POMGNT2: variants seen among roughly 807,000 people sequenced by gnomAD.
POMGNT2 encodes protein O-linked-mannose beta-1,4-N-acetylglucosaminyltransferase 2.
Under a neutral mutation model 37.8 loss-of-function variants are expected in POMGNT2, and 32 were observed. The observed-to-expected ratio is 0.85, with a 90% CI of 0.64 to 1.14. The LOEUF (loss-of-function observed/expected upper bound fraction) is 1.14, where lower values mean the gene tolerates loss of function less well. POMGNT2 is among the 50% of genes most tolerant of loss of function. The pLI is 0.00. For missense variants in POMGNT2, 705 were observed against 780.6 expected (o/e 0.90, Z 1.15); for synonymous variants, 340 against 336.8 (o/e 1.01, Z -0.10).
intron 1 of POMGNT2, among the ~76,000 whole-genome samples, chr3:43,096,400 CTCAT>C (rs1158844042): frequency 6.6e-6 from 1 of 152,182 alleles, no homozygotes; most frequent in Non-Finnish European, 1.5e-5. Context: ...GGTATATTTT[CTCAT>C]TCAATCTTCA....
chr3:43,086,313 T>C (rs755609541), intron 1 of POMGNT2, among the ~76,000 whole-genome samples: 2 of 152,200 alleles, frequency 1.3e-5, no homozygotes, highest in South Asian at 4.1e-4. Flanking sequence ...CATCACTCAG[T>C]TGCTTTCTGA....
intron 1 of POMGNT2, among the ~76,000 whole-genome samples, chr3:43,084,086 C>A (rs900595246): frequency 6.6e-6 from 1 of 152,170 alleles, no homozygotes; most frequent in Non-Finnish European, 1.5e-5. Flanking sequence ...TGAGGAACTG[C>A]TACCCTTCGA....
intron 1 of POMGNT2, among the ~76,000 whole-genome samples, chr3:43,096,598 T>G (rs945877591): frequency 6.6e-6 from 1 of 152,160 alleles, no homozygotes; most frequent in African/African-American, 2.4e-5. Flanking sequence ...GGACCTCACC[T>G]TCTTGGCATT....
Position 43,080,990 on chromosome 3 carries a change from A to T in POMGNT2, c.442T>A (p.Phe148Ile), listed in dbSNP as rs1575462833. The T allele has an allele frequency of 1.2e-6, 2 of 1,614,190 alleles. No homozygotes were observed. The highest frequency in any genetic ancestry group is 2.2e-5 in the South Asian group (2 of 91,086). Residue 148 changes from phenylalanine (F) to isoleucine (I), a missense_variant, in exon 2 of 2, where the codon TTC becomes ATC. Transcript: ENST00000344697. The stretch of plus-strand genomic sequence containing the variant: ...GCGATGAGGGCCACGTCTGGCACGA[A>T]CACCGGCTTGGGCATGAAGCGCAGG... ...AALRFMPKPV[F>I]VPDVALIANR... is the part of the protein sequence containing the mutation.
chr3:43,091,593 G>A (rs1469818921), intron 1 of POMGNT2, among the ~76,000 whole-genome samples: 1 of 152,224 alleles, frequency 6.6e-6, no homozygotes, highest in East Asian at 1.9e-4. Flanking sequence ...AAAGTATGAT[G>A]AGAGGATATT....
intron 1 of POMGNT2, among the ~76,000 whole-genome samples, chr3:43,082,280 C>T (rs1407187090): frequency 6.6e-6 from 1 of 152,188 alleles, no homozygotes; most frequent in East Asian, 1.9e-4. Context: ...CACACCAAGA[C>T]CCCAGTATGC....
chr3:43,080,829 T>G lies in POMGNT2; in HGVS notation c.603A>C (p.Ala201=). Residue 201 remains alanine (A), a synonymous_variant, in exon 2 of 2, where the codon GCA becomes GCC. Coordinates refer to ENST00000344697, the MANE Select transcript of POMGNT2 (RefSeq NM_032806.6). ...LFFMEGWGEG[A]HFDLYKLLSP... ...TGAGCAGCTTGTAGAGGTCGAAGTGTGCACCCTCGCCCCAGCCCTCCATGA... is the reference window on the plus strand; with the variant it reads ...TGAGCAGCTTGTAGAGGTCGAAGTGGGCACCCTCGCCCCAGCCCTCCATGA... 3 of 1,614,002 alleles carry G rather than the reference T, an allele frequency of 1.9e-6. No individual in the cohort carries two copies. Among genetic ancestry groups the G allele is most frequent in the Non-Finnish European group, 2.5e-6 (3 of 1,179,972 alleles).
At chr3:43,103,270 G>C (rs1285913829) in intron 1 of POMGNT2, among the ~76,000 whole-genome samples, 1 of 152,068 alleles carries the variant, frequency 6.6e-6, no homozygotes, top group African/African-American at 2.4e-5. Context: ...CTCAGTCCAG[G>C]GCTCCTTCTC....
rs1256397605 is a variant in POMGNT2, at chr3:43,080,260, A to G, written c.1172T>C (p.Val391Ala). Residue 391 changes from valine to alanine, a missense_variant, in exon 2 of 2, where the codon GTA becomes GCA. Transcript: ENST00000344697. ...CTCTGGCATCATGTTCCGCCAGGCT[A>G]CATACTGGAGGTCCATGCCAGGCAG... ...AMLPGMDLQY[V>A]AWRNMMPENT... 1.2e-6 allele frequency: 2 copies of G among 1,614,160 alleles called. No homozygotes were observed. The highest frequency in any genetic ancestry group is 1.1e-5 in the South Asian group (1 of 91,082).
intron 1 of POMGNT2, among the ~76,000 whole-genome samples, chr3:43,090,161 T>C (rs1045064983): frequency 6.6e-6 from 1 of 152,162 alleles, no homozygotes; most frequent in Non-Finnish European, 1.5e-5. Flanking sequence ...AGAAACTCTC[T>C]CATGCCCCAA....
Position 43,081,521 on chromosome 3 carries a change from G to C in POMGNT2, c.-90C>G. The C allele has an allele frequency of 9.1e-7, 1 of 1,095,098 alleles. No homozygotes were observed. The highest frequency in any genetic ancestry group is 1.3e-6 in the Non-Finnish European group (1 of 780,776). The allele number at this position is 1,095,098 out of a possible 1,614,324, so 67.8% of individuals were successfully genotyped here. On this transcript the variant is annotated 5_prime_UTR_variant, in exon 2 of 2. Coordinates refer to ENST00000344697, the MANE Select transcript of POMGNT2 (RefSeq NM_032806.6). ...CTTCACCCATCCCTATGGGCATCCTGAGAACTGGTGAAAGCCTGCAGGAGG... is the reference window on the plus strand; with the variant it reads ...CTTCACCCATCCCTATGGGCATCCTCAGAACTGGTGAAAGCCTGCAGGAGG...
intron 1 of POMGNT2, among the ~76,000 whole-genome samples, chr3:43,082,753 A>T (rs2089866718): frequency 6.6e-6 from 1 of 152,228 alleles, no homozygotes; most frequent in Non-Finnish European, 1.5e-5. Flanking sequence ...CCTCCCTGCA[A>T]TGAAAAGAAT....
At chr3:43,105,128 T>C (rs566602934) in intron 1 of POMGNT2, among the ~76,000 whole-genome samples, 1 of 152,310 alleles carries the variant, frequency 6.6e-6, no homozygotes, top group South Asian at 2.1e-4. Flanking sequence ...AGGCAGACAC[T>C]GGTCGCCCTG....
chr3:43,104,359 T>C (rs915292442), intron 1 of POMGNT2, among the ~76,000 whole-genome samples: 2 of 152,234 alleles, frequency 1.3e-5, no homozygotes, highest in African/African-American at 4.8e-5. Flanking sequence ...TCTAATTTTC[T>C]AGTTAGTGCA....
intron 1 of POMGNT2, chr3:43,090,430 T>G (rs1321523143): frequency 6.6e-6 from 1 of 152,216 alleles, no homozygotes; most frequent in Non-Finnish European, 1.5e-5. Flanking sequence ...TACATTAAAG[T>G]GCTGATATGA....
rs146126985 is a variant in POMGNT2, at chr3:43,080,252, G to A, written c.1180C>T (p.Arg394Trp). The A allele has an allele frequency of 2.9e-5, 47 of 1,614,044 alleles. No individual in the cohort carries two copies. The highest frequency in any genetic ancestry group is 9.3e-5 in the African/African-American group (7 of 74,920). Reference protein sequence around the residue: ...PGMDLQYVAWRNMMPENTVTH... With the variant: ...PGMDLQYVAWWNMMPENTVTH... ...ACTGTGTTCTCTGGCATCATGTTCC[G>A]CCAGGCTACATACTGGAGGTCCATG... Residue 394 changes from arginine (R) to tryptophan (W), a missense_variant, in exon 2 of 2, where the codon CGG becomes TGG. By Grantham distance (101) the Arg-to-Trp change is moderately radical. Coordinates refer to ENST00000344697, the MANE Select transcript of POMGNT2 (RefSeq NM_032806.6).
At chr3:43,083,550 C>G (rs1169530953) in intron 1 of POMGNT2, among the ~76,000 whole-genome samples, 1 of 152,160 alleles carries the variant, frequency 6.6e-6, no homozygotes, top group Non-Finnish European at 1.5e-5. Flanking sequence ...GAGTATATCC[C>G]TTGATATAGA....
rs1368751789 is a variant in POMGNT2 at position 43,080,194 on chromosome 3, C to T, written c.1238G>A (p.Gly413Asp). The T allele has an allele frequency of 1.2e-6, 2 of 1,613,844 alleles. No individual in the cohort carries two copies. The highest frequency in any genetic ancestry group is 1.7e-5 in the Admixed American group (1 of 60,032). Reference protein sequence around the residue: ...THPERPWDQGGITHLDRAEQA... With the variant: ...THPERPWDQGDITHLDRAEQA... ...CTCAGCCCGGTCCAGATGGGTGATG[C>T]CCCCCTGATCCCAGGGCCGCTCAGG... The change falls in exon 2 of 2, where the codon GGC becomes GAC. Residue 413 changes from glycine (G) to aspartate (D), a missense_variant. Transcript: ENST00000344697.
chr3:43,095,093 A>G (rs754398092), intron 1 of POMGNT2, among the ~76,000 whole-genome samples: 2 of 152,024 alleles, frequency 1.3e-5, no homozygotes, highest in African/African-American at 2.4e-5. Context: ...ATTTGTCTCC[A>G]TTTTCCATCC....
Sources: gnomAD v4.1 joint callset for allele counts (sites outside exome capture counted in the v4.1 genomes callset) on GRCh38, gnomAD v4.1.1 for gene constraint, MANE v1.5 for transcripts, NCBI Gene and HGNC (gene_info 2026-07-23, HGNC 2026-07-21) for gene names.